COL6A2: variants seen among roughly 807,000 people sequenced by gnomAD.
COL6A2 encodes collagen type VI alpha 2 chain.
Under a neutral mutation model 124.9 loss-of-function variants are expected in COL6A2, and 90 were observed. The ratio of observed to expected loss-of-function variants is 0.72; its 90% CI spans 0.61 to 0.86. The LOEUF (loss-of-function observed/expected upper bound fraction) is 0.86. Ranked by LOEUF, COL6A2 falls within the 40% of genes least tolerant of loss-of-function variation. COL6A2 has a pLI of 0.00. For missense variants in COL6A2, 1,607 were observed against 1,502.5 expected (o/e 1.07, Z -1.15); for synonymous variants, 793 against 618.2 (o/e 1.28, Z -4.19).
At chr21:46,122,754 T>A (rs2078586606) in intron 20 of COL6A2, 121 bp from the exon 21 acceptor site, 1 of 1,107,990 alleles carries the variant, frequency 9.0e-7, no homozygotes, top group Non-Finnish European at 1.4e-6. Flanking sequence ...AAAAACCACA[T>A]AGATGCTCCC....
Position 46,119,107 on chromosome 21 carries a change from C to G in COL6A2, c.1257C>G (p.Pro419=), listed in dbSNP as rs748651138. The stretch of plus-strand genomic sequence containing the variant: ...AGGGCGGGCCTGGGCCCCGCGGACC[C>G]AAAGGCGAGCCGGTGAGTCCCTCCT... ...GAKGGPGPRG[P]KGEPGRRGDP... is the part of the protein sequence containing the mutation. The change falls in exon 14 of 28, where the codon CCC becomes CCG. Residue 419 remains proline (P), a synonymous_variant. Coordinates refer to ENST00000300527, the MANE Select transcript of COL6A2 (RefSeq NM_001849.4). The G allele has an allele frequency of 3.1e-6, 5 of 1,611,130 alleles. No homozygotes were observed. The highest frequency in any genetic ancestry group is 4.2e-6 in the Non-Finnish European group (5 of 1,179,422).
chr21:46,114,531 C>T (rs937053972), intron 5 of COL6A2, among the ~76,000 whole-genome samples: 2 of 152,040 alleles, frequency 1.3e-5, no homozygotes, highest in African/African-American at 4.8e-5. Flanking sequence ...TGTCTAATTC[C>T]TTTTAAATAG....
At chr21:46,112,886 G>A (rs926763789) in intron 4 of COL6A2, 62 bp downstream of exon 4, 17 of 1,607,822 alleles carry the variant, frequency 1.1e-5, no homozygotes, top group East Asian at 4.5e-5. Context: ...AGATGACCGC[G>A]CCAGGCTGCC....
At chr21:46,112,876 A>C (rs755523120) in intron 4 of COL6A2, 52 bp downstream of exon 4, 22 of 1,611,922 alleles carry the variant, frequency 1.4e-5, no homozygotes, top group Non-Finnish European at 1.9e-5. Context: ...GACCCAGCAG[A>C]GATGACCGCG....
chr21:46,118,583 G>C (rs1376469488), intron 12 of COL6A2, 31 bp from the exon 13 acceptor site: 1 of 1,611,182 alleles, frequency 6.2e-7, no homozygotes, highest in Non-Finnish European at 8.5e-7. Context: ...CCTGCCAAAA[G>C]ACGTGAGGCT....
chr21:46,111,901 C>A, intron 2 of COL6A2, 78 bp from the exon 3 acceptor site: 2 of 1,470,666 alleles, frequency 1.4e-6, no homozygotes, highest in Non-Finnish European at 1.9e-6. Context: ...AACCCACAAA[C>A]AGGCACGGGG....
rs2078665690 is a variant in COL6A2 at position 46,126,235 on chromosome 21, CG to C, written c.2422+1del. Reference sequence around the variant, plus strand: ...GATGACATGGAGGACGTCCTCTGCCCGGGTGAGCGTGTGGGCGCGGGGCAGT... The same window carrying C: ...GATGACATGGAGGACGTCCTCTGCCCGGTGAGCGTGTGGGCGCGGGGCAGT... Reference protein sequence around the residue: ...FIDDMEDVLCPDPQIVCPDLP... With the variant: ...FIDDMEDVLCXDPQIVCPDLP... On this transcript the variant is annotated frameshift_variant and splice_region_variant, in exon 26 of 28. Transcript: ENST00000300527. LOFTEE classifies it high-confidence loss of function. The C allele has an allele frequency of 6.3e-7, 1 of 1,598,818 alleles. No homozygotes were observed. The highest frequency in any genetic ancestry group is 1.3e-5 in the African/African-American group (1 of 75,022).
intron 1 of COL6A2, among the ~76,000 whole-genome samples, chr21:46,103,234 ATCT>A (rs1450812898): frequency 6.6e-6 from 1 of 152,080 alleles, no homozygotes; most frequent in Non-Finnish European, 1.5e-5. Flanking sequence ...CACTCTTATA[ATCT>A]TTTTTATTTC....
intron 21 of COL6A2, among the ~76,000 whole-genome samples, chr21:46,124,373 G>A (rs1363748817): frequency 6.6e-6 from 1 of 152,122 alleles, no homozygotes; most frequent in Non-Finnish European, 1.5e-5. Context: ...CCCATGGATT[G>A]GAATGAGCTG....
intron 27 of COL6A2, chr21:46,129,888 T>A: frequency 6.9e-6 from 7 of 1,007,240 alleles, no homozygotes; most frequent in Non-Finnish European, 7.1e-6. Context: ...AGGCCCTTAC[T>A]TAGCGGCCCA....
At chr21:46,119,189 G>A in intron 14 of COL6A2, 70 bp downstream of exon 14, 1 of 1,202,972 alleles carries the variant, frequency 8.3e-7, no homozygotes, top group East Asian at 2.5e-5. Context: ...GGAGGACCAT[G>A]GGGGAAGGGC....
At chr21:46,124,314 T>C (rs1198129537) in intron 21 of COL6A2, among the ~76,000 whole-genome samples, 8 of 149,584 alleles carry the variant, frequency 5.3e-5, no homozygotes, top group South Asian at 2.1e-4. Flanking sequence ...GGCGAATGGG[T>C]GGATGGGTGG....
chr21:46,106,336 C>T (rs1037715256), intron 1 of COL6A2, among the ~76,000 whole-genome samples: 1 of 152,076 alleles, frequency 6.6e-6, no homozygotes, highest in African/African-American at 2.4e-5. Context: ...GTCAAGAGGG[C>T]AGACTTGAGC....
intron 25 of COL6A2, 68 bp from the exon 26 acceptor site, chr21:46,125,717 C>T (rs2078653083): frequency 1.9e-6 from 3 of 1,599,124 alleles, no homozygotes; most frequent in Non-Finnish European, 2.6e-6. Flanking sequence ...CAACGAGGGC[C>T]TCTGCATGGC....
At chr21:46,129,703 C>T (rs979960097) in intron 27 of COL6A2, 16 of 1,413,364 alleles carry the variant, frequency 1.1e-5, no homozygotes, top group East Asian at 2.5e-5. Flanking sequence ...TCCAGTCTCT[C>T]CTCCGTCTTC....
At chr21:46,129,328 C>G (rs762547540) in intron 27 of COL6A2, 1 of 1,612,932 alleles carries the variant, frequency 6.2e-7, no homozygotes, top group East Asian at 2.2e-5. Flanking sequence ...CAGGACCCGG[C>G]CGCCTACTCC....
chr21:46,130,090 G>A (rs963692262), intron 27 of COL6A2, among the ~76,000 whole-genome samples: 2 of 152,210 alleles, frequency 1.3e-5, no homozygotes, highest in African/African-American at 2.4e-5. Context: ...GCAGGTGAAG[G>A]CTTCCGGTTG....
At chr21:46,114,286 G>A (rs1042482983) in intron 5 of COL6A2, among the ~76,000 whole-genome samples, 60 of 152,058 alleles carry the variant, frequency 3.9e-4, no homozygotes, top group Admixed American at 2.3e-3. Flanking sequence ...TTAGCCGGGC[G>A]TAGTGGCATG....
In COL6A2 at chr21:46,132,309, C is replaced by G. The variant is rs368164391; in HGVS notation, c.2817C>G (p.His939Gln). The change falls in exon 28 of 28, where the codon CAC (histidine) becomes CAG (glutamine). Residue 939 changes from histidine (H) to glutamine (Q), a missense_variant. Physicochemically the swap from His to Gln is conservative, Grantham distance 24. Around this residue, in one of 3 missense-constraint regions of COL6A2, gnomAD observed 1,223 missense variants for 1,052.2 expected, o/e 1.16. Coordinates refer to ENST00000300527, the MANE Select transcript of COL6A2 (RefSeq NM_001849.4). ...GCCCGCGTGGCGGGGCCCGGAGGCA[C>G]GCAGAGCTGTCCTTCGTGTTCCTCA... ...VRSPRGGARR[H>Q]AELSFVFLTD... 6.2e-7 allele frequency: 1 copy of G among 1,606,660 alleles called. No homozygotes were observed.
Sources: gnomAD v4.1 joint callset for allele counts (sites outside exome capture counted in the v4.1 genomes callset) on GRCh38, gnomAD v4.1.1 for gene constraint, gnomAD v4.1.1 regional missense constraint, MANE v1.5 for transcripts, NCBI Gene and HGNC (gene_info 2026-07-23, HGNC 2026-07-21) for gene names.